The following NTRK3 variants were observed in gnomAD, a reference collection of about 807,000 sequenced individuals.
NTRK3 encodes neurotrophic receptor tyrosine kinase 3.
In NTRK3, 24 loss-of-function variants were observed where a neutral mutation model predicts 91.7. The ratio of observed to expected loss-of-function variants is 0.26; its 90% CI spans 0.19 to 0.37. The LOEUF (loss-of-function observed/expected upper bound fraction) is 0.37. Among genes scored for constraint, NTRK3 ranks in the 10% least tolerant of loss-of-function variants. The probability of loss-of-function intolerance (pLI) is 1.00; values close to 1 mark genes in which losing one functional copy is unlikely to be tolerated. For synonymous variants in NTRK3, 483 were observed against 404.0 expected, an observed-to-expected ratio of 1.20 and a Z score of -2.34; for missense variants, 880 against 1,068.9, an observed-to-expected ratio of 0.82 and a Z score of 2.46.
intron 5 of NTRK3, among the ~76,000 whole-genome samples, chr15:88,178,747 G>C (rs560728196): frequency 2.2e-4 from 33 of 152,334 alleles, no homozygotes; most frequent in African/African-American, 7.9e-4. Context: ...AAGATATTCA[G>C]GTTGTAATGT....
intron 13 of NTRK3, among the ~76,000 whole-genome samples, chr15:88,094,663 C>A (rs1449036263): frequency 1.3e-5 from 2 of 152,058 alleles, no homozygotes; most frequent in African/African-American, 4.8e-5. Flanking sequence ...GGGCTTTCTC[C>A]TAGGGCTGGG....
intron 7 of NTRK3, among the ~76,000 whole-genome samples, 154 bp downstream of exon 7, chr15:88,137,250 T>G (rs1277389342): frequency 1.3e-5 from 2 of 152,148 alleles, no homozygotes; most frequent in Non-Finnish European, 2.9e-5. Context: ...AGGGGAATGA[T>G]GAGTCAGGAG....
chr15:87,961,249 C>A (rs2072255952), intron 14 of NTRK3, among the ~76,000 whole-genome samples: 1 of 152,190 alleles, frequency 6.6e-6, no homozygotes, highest in South Asian at 2.1e-4. Context: ...CTCTGAATCA[C>A]AGACCAGGTT....
chr15:88,246,613 C>A (rs764656706), intron 3 of NTRK3, among the ~76,000 whole-genome samples: 1 of 152,184 alleles, frequency 6.6e-6, no homozygotes, highest in Non-Finnish European at 1.5e-5. Context: ...ATGCATTCAC[C>A]CCATTACCCT....
At chr15:88,130,412 A>G (rs1268867462) in intron 10 of NTRK3, among the ~76,000 whole-genome samples, 1 of 152,224 alleles carries the variant, frequency 6.6e-6, no homozygotes, top group Non-Finnish European at 1.5e-5. Context: ...AGTGTGAAAG[A>G]AGGATGAGAA....
At chr15:87,902,155 A>G (rs1373686619) in intron 17 of NTRK3, among the ~76,000 whole-genome samples, 1 of 152,244 alleles carries the variant, frequency 6.6e-6, no homozygotes, top group Non-Finnish European at 1.5e-5. Context: ...CATAAAGATG[A>G]CATCAGAAAA....
intron 18 of NTRK3, among the ~76,000 whole-genome samples, chr15:87,878,519 C>T (rs2065059661): frequency 6.6e-6 from 1 of 152,214 alleles, no homozygotes; most frequent in Non-Finnish European, 1.5e-5. Flanking sequence ...TTCCACCCTC[C>T]ATTACCTTCA....
chr15:88,057,940 C>T (rs1012089866), intron 13 of NTRK3, among the ~76,000 whole-genome samples: 3 of 152,232 alleles, frequency 2.0e-5, no homozygotes, highest in Admixed American at 2.0e-4. Flanking sequence ...GGGGCTGACA[C>T]ACCACTGACA....
exon 19 of NTRK3, chr15:87,861,465 A>G (rs2064521513): frequency 5.0e-6 from 1 of 201,510 alleles, no homozygotes; most frequent in Non-Finnish European, 1.0e-5. Context: ...TTGAAATAAG[A>G]TATGTAAAGT....
intron 15 of NTRK3, among the ~76,000 whole-genome samples, chr15:87,935,716 T>C (rs1401739757): frequency 6.6e-6 from 1 of 152,196 alleles, no homozygotes. Flanking sequence ...TTTAAATCAT[T>C]CTCTCCCACA....
intron 3 of NTRK3, among the ~76,000 whole-genome samples, chr15:88,213,930 T>A (rs1027467779): frequency 6.6e-6 from 1 of 151,916 alleles, no homozygotes; most frequent in African/African-American, 2.4e-5. Context: ...AAATACAAAA[T>A]TAGCCAGGCG....
At chr15:88,055,743 A>AC (rs1193464593) in intron 13 of NTRK3, among the ~76,000 whole-genome samples, 5 of 152,204 alleles carry the variant, frequency 3.3e-5, no homozygotes, top group African/African-American at 1.2e-4. Flanking sequence ...ATACTGAGGC[A>AC]CCAGCCCTCT....
intron 13 of NTRK3, among the ~76,000 whole-genome samples, chr15:88,038,218 CTT>C (rs774392004): frequency 0.15 from 23,065 of 152,176 alleles, 2,491 homozygotes; most frequent in African/African-American, 0.31. Flanking sequence ...TTCATCATGT[CTT>C]CTGATGTATG....
rs1451350291 is a variant in NTRK3 at position 88,168,868 on chromosome 15, C to T, written c.395+14550G>A. On this transcript the variant is annotated intron_variant, in intron 5 of 18. Coordinates refer to ENST00000394480, the Ensembl canonical transcript of NTRK3. ...GTTGTCACTCAAAGGCAGCAGCCTA[C>T]TTTCTATTGTCATGTAGTTCAGGCC... Among the ~76,000 whole-genome samples the T allele has an allele frequency of 2.0e-5, 3 of 152,358 alleles. No homozygotes were observed. In the East Asian group the frequency reaches 5.8e-4, roughly 29 times the overall value.
intron 17 of NTRK3, among the ~76,000 whole-genome samples, chr15:87,920,327 T>C (rs1015863089): frequency 1.3e-5 from 2 of 152,234 alleles, no homozygotes; most frequent in African/African-American, 4.8e-5. Context: ...AGCATTTAAG[T>C]TGTTTTTCAA....
At chr15:87,925,714 G>A (rs557607919) in intron 17 of NTRK3, 1 of 183,796 alleles carries the variant, frequency 5.4e-6, no homozygotes, top group African/African-American at 2.3e-5. Context: ...CTTAGCTCTA[G>A]GATTCATGAG....
At chr15:88,088,483 T>C (rs1376369636) in intron 13 of NTRK3, among the ~76,000 whole-genome samples, 1 of 152,156 alleles carries the variant, frequency 6.6e-6, no homozygotes, top group Admixed American at 6.5e-5. Flanking sequence ...TAATATAGTA[T>C]TCATAGTAAT....
intron 17 of NTRK3, among the ~76,000 whole-genome samples, chr15:87,904,348 G>A (rs2066631414): frequency 6.6e-6 from 1 of 151,494 alleles, no homozygotes; most frequent in Non-Finnish European, 1.5e-5. Flanking sequence ...AGTAGAGACG[G>A]GGTTTCACCA....
intron 13 of NTRK3, among the ~76,000 whole-genome samples, chr15:88,084,250 C>A (rs377149917): frequency 6.2e-4 from 95 of 152,234 alleles, no homozygotes; most frequent in African/African-American, 2.2e-3. Context: ...TGTCCCACTG[C>A]CCCCTCACTC....
Sources: gnomAD v4.1 joint callset for allele counts (sites outside exome capture counted in the v4.1 genomes callset) on GRCh38, gnomAD v4.1.1 for gene constraint, MANE v1.5 for transcripts, NCBI Gene and HGNC (gene_info 2026-07-23, HGNC 2026-07-21) for gene names.